The following GRIP1 variants were observed in gnomAD, a reference collection of about 807,000 sequenced individuals.
GRIP1 encodes the protein glutamate receptor-interacting protein 1.
A neutral mutation model predicts 129.9 loss-of-function variants in GRIP1; 45 were observed. The observed-to-expected ratio is 0.35, with a 90% CI of 0.27 to 0.44. The LOEUF is 0.44. GRIP1 is among the 20% of genes least tolerant of loss of function. The probability of loss-of-function intolerance (pLI) is 1.00; values close to 1 mark genes in which losing one functional copy is unlikely to be tolerated. For missense variants in GRIP1, 1,196 were observed against 1,396.8 expected, an observed-to-expected ratio of 0.86 and a Z score of 2.29; for synonymous variants, 530 against 520.8, an observed-to-expected ratio of 1.02 and a Z score of -0.24.
At chr12:67,038,286 A>G (rs374561347) in intron 1 of GRIP1, among the ~76,000 whole-genome samples, 27 of 152,318 alleles carry the variant, frequency 1.8e-4, no homozygotes, top group East Asian at 1.2e-3. Context: ...TAGCCCATCC[A>G]TTCCTGTGAG....
chr12:66,394,298 C>A lies in GRIP1; in HGVS notation c.2039G>T (p.Gly680Val). ...IIYTVELKRY[G>V]GPLGITISGT... ...TGAAATTGTGATGCCAAGGGGCCCCCCGTAGCGTTTAAGCTCCACGGTGTA... is the reference window on the plus strand; with the variant it reads ...TGAAATTGTGATGCCAAGGGGCCCCACGTAGCGTTTAAGCTCCACGGTGTA... The change falls in exon 17 of 25, where the codon GGG (glycine) becomes GTG (valine). Residue 680 changes from glycine (G) to valine (V), a missense_variant. This residue lies in a region of GRIP1 where 508 missense variants were observed against 587.0 expected (regional missense o/e 0.87). Transcript: ENST00000359742. 1 of 1,613,982 alleles carries A rather than the reference C, an allele frequency of 6.2e-7. No homozygotes were observed. Among genetic ancestry groups the A allele is most frequent in the Non-Finnish European group, 8.5e-7 (1 of 1,179,830 alleles).
intron 1 of GRIP1, among the ~76,000 whole-genome samples, chr12:66,991,056 G>T (rs922312331): frequency 6.6e-6 from 1 of 150,994 alleles, no homozygotes; most frequent in Non-Finnish European, 1.5e-5. Flanking sequence ...GGCGGATCAC[G>T]AGGTCAGGAG....
At chr12:66,438,785 C>T (rs2058388020) in intron 13 of GRIP1, among the ~76,000 whole-genome samples, 1 of 152,112 alleles carries the variant, frequency 6.6e-6, no homozygotes, top group South Asian at 2.1e-4. Context: ...CATGAGTCAC[C>T]ATGCCTGGCC....
At chr12:66,828,568 T>C (rs985973899) in intron 1 of GRIP1, among the ~76,000 whole-genome samples, 13 of 152,208 alleles carry the variant, frequency 8.5e-5, no homozygotes, top group African/African-American at 2.9e-4. Context: ...CATTTTTCAA[T>C]AGACATTTTA....
At chr12:66,979,245 A>AC (rs1566104061) in intron 1 of GRIP1, among the ~76,000 whole-genome samples, 7 of 148,232 alleles carry the variant, frequency 4.7e-5, no homozygotes, top group East Asian at 2.0e-4. Context: ...AAAAAAAAAA[A>AC]AAAAAAAAAC....
At chr12:66,464,438 C>T (rs1269561162) in intron 8 of GRIP1, among the ~76,000 whole-genome samples, 2 of 151,958 alleles carry the variant, frequency 1.3e-5, no homozygotes, top group South Asian at 4.2e-4. Flanking sequence ...GATTAACATG[C>T]TATGAGAGTA....
chr12:66,561,228 G>A (rs2062515574), intron 2 of GRIP1, among the ~76,000 whole-genome samples: 1 of 152,064 alleles, frequency 6.6e-6, no homozygotes, highest in South Asian at 2.1e-4. Context: ...TGGCTAATGG[G>A]TACAAAAACA....
At chr12:66,742,790 T>C (rs2036828228) in intron 1 of GRIP1, among the ~76,000 whole-genome samples, 2 of 152,054 alleles carry the variant, frequency 1.3e-5, no homozygotes, top group African/African-American at 4.8e-5. Context: ...GATGAGGTAA[T>C]AAAAAATAGA....
intron 1 of GRIP1, among the ~76,000 whole-genome samples, chr12:66,937,062 C>CT (rs572811470): frequency 1.3e-3 from 197 of 152,248 alleles, no homozygotes; most frequent in Non-Finnish European, 1.9e-3. Flanking sequence ...CGATTTTTCT[C>CT]TGTTGGCTTC....
chr12:66,622,910 C>T (rs911925427), intron 1 of GRIP1, among the ~76,000 whole-genome samples: 6 of 152,158 alleles, frequency 3.9e-5, no homozygotes, highest in Admixed American at 2.0e-4. Flanking sequence ...TGAGCTCCTG[C>T]GGCACCCCAT....
At position 66,406,271 on chromosome 12, in the gene GRIP1, T is replaced by C. The variant is rs889797657; in HGVS notation, c.1984+12A>G. On this transcript the variant is annotated intron_variant, in intron 16 of 24. Transcript: ENST00000359742. ...TCGAAAAATCAGTTTTAACTAAGGA[T>C]GCTCTCAATACCTGAATTATCTTCA... 2 of 1,613,736 alleles carry C rather than the reference T, an allele frequency of 1.2e-6. No homozygotes were observed. The highest frequency in any genetic ancestry group is 1.7e-6 in the Non-Finnish European group (2 of 1,179,702).
At chr12:67,009,292 G>T (rs893736678) in intron 1 of GRIP1, among the ~76,000 whole-genome samples, 1 of 152,102 alleles carries the variant, frequency 6.6e-6, no homozygotes, top group Non-Finnish European at 1.5e-5. Context: ...CTTTTTGAGG[G>T]TAATTAGCCA....
chr12:66,626,583 G>C (rs1174440132), intron 1 of GRIP1: 1 of 152,130 alleles, frequency 6.6e-6, no homozygotes, highest in African/African-American at 2.4e-5. Context: ...GAAAGCATTT[G>C]CTTAGTTTGC....
At chr12:66,676,965 T>A (rs1185295482) in intron 1 of GRIP1, among the ~76,000 whole-genome samples, 1 of 152,148 alleles carries the variant, frequency 6.6e-6, no homozygotes, top group East Asian at 1.9e-4. Flanking sequence ...AGGTACCGTG[T>A]TACTCAGGTG....
At position 66,377,421 on chromosome 12, in the gene GRIP1, G is replaced by C. The variant is rs564796550; in HGVS notation, c.2622-136C>G. The C allele has an allele frequency of 2.3e-3, 1,569 of 692,974 alleles. 4 individuals are homozygous for C. The highest frequency in any genetic ancestry group is 3.3e-3 in the Non-Finnish European group (1,263 of 383,360). The allele number at this position is 692,974 out of a possible 1,614,324, so 42.9% of individuals were successfully genotyped here. ...CGGCTCACTGCAAGCTCCGCCTCCC[G>C]GGTTCACACCATTCTCCTGCCTCAG... On this transcript the variant is annotated intron_variant, in intron 20 of 24. Transcript: ENST00000359742.
intron 15 of GRIP1, among the ~76,000 whole-genome samples, chr12:66,408,371 C>T (rs769945254): frequency 4.6e-5 from 7 of 151,966 alleles, no homozygotes; most frequent in South Asian, 4.1e-4. Flanking sequence ...CCCAGCTATT[C>T]GGGAGGCTGA....
intron 19 of GRIP1, among the ~76,000 whole-genome samples, chr12:66,386,555 A>C (rs1185271559): frequency 6.6e-6 from 1 of 151,920 alleles, no homozygotes; most frequent in African/African-American, 2.4e-5. Context: ...AATGGCATGA[A>C]CCCGGGAGGC....
At chr12:66,349,738 TGAG>T (rs965029897) in intron 24 of GRIP1, among the ~76,000 whole-genome samples, 1 of 152,016 alleles carries the variant, frequency 6.6e-6, no homozygotes, top group African/African-American at 2.4e-5. Context: ...TTGTGGCACT[TGAG>T]GAGAACAAGA....
intron 14 of GRIP1, among the ~76,000 whole-genome samples, chr12:66,423,922 G>C (rs974877937): frequency 3.9e-5 from 6 of 152,140 alleles, no homozygotes; most frequent in African/African-American, 1.2e-4. Context: ...AGCTGAACTG[G>C]TCGAACACAC....
Sources: allele counts gnomAD v4.1 joint callset (sites outside exome capture counted in the v4.1 genomes callset), GRCh38; gene constraint gnomAD v4.1.1; regional missense constraint gnomAD v4.1.1; transcripts MANE v1.5; gene names NCBI Gene and HGNC (gene_info 2026-07-23, HGNC 2026-07-21).